The following SLC30A4 variants were observed in gnomAD, a reference collection of about 807,000 sequenced individuals.
SLC30A4 encodes solute carrier family 30 member 4, also known as probable proton-coupled zinc antiporter SLC30A4.
In SLC30A4, 20 loss-of-function variants were observed where a neutral mutation model predicts 41.7. The ratio of observed to expected loss-of-function variants is 0.48; its 90% CI spans 0.34 to 0.70. The LOEUF is 0.70. Among genes scored for constraint, SLC30A4 ranks in the 30% least tolerant of loss-of-function variants. The pLI is 0.01. For missense variants in SLC30A4, 441 were observed against 529.3 expected, an observed-to-expected ratio of 0.83 and a Z score of 1.64; for synonymous variants, 181 against 195.9, an observed-to-expected ratio of 0.92 and a Z score of 0.64.
Position 45,517,893 on chromosome 15 carries a change from A to G in SLC30A4, c.391+4071T>C, listed in dbSNP as rs184081820. The stretch of plus-strand genomic sequence containing the variant: ...AACCCGGGAGGCAGAGCTTGCAGTG[A>G]GCCGAGATCACACCACTGCACTCCA... On this transcript the variant is annotated intron_variant, in intron 2 of 7. Coordinates refer to ENST00000261867, the MANE Select transcript of SLC30A4 (RefSeq NM_013309.6). Among the ~76,000 whole-genome samples, 701 of 152,220 alleles carry G rather than the reference A, an allele frequency of 4.6e-3. 5 individuals carry two copies. Among genetic ancestry groups the G allele is most frequent in the Non-Finnish European group, 6.9e-3 (466 of 68,002 alleles).
chr15:45,518,792 T>C (rs1157452613), intron 2 of SLC30A4, among the ~76,000 whole-genome samples: 1 of 152,112 alleles, frequency 6.6e-6, no homozygotes, highest in Non-Finnish European at 1.5e-5. Context: ...CTTGAACTCC[T>C]GAGCTCAAGC....
chr15:45,496,947 A>G (rs1363783903), intron 3 of SLC30A4, among the ~76,000 whole-genome samples: 1 of 151,848 alleles, frequency 6.6e-6, no homozygotes, highest in African/African-American at 2.4e-5. Context: ...GGATAGCTTG[A>G]GCACAGGAGG....
rs58392709 is a variant in SLC30A4 at position 45,487,960 on chromosome 15, AGTGTGTGT to A, written c.895-336_895-329del. ...TGTGTGTGTGTCAAAGCTGGAAAAA[AGTGTGTGT>A]GTGTGTGTGTGTGTGTGTGTGTGTG... On this transcript the variant is annotated intron_variant, in intron 5 of 7. Coordinates refer to ENST00000261867, the MANE Select transcript of SLC30A4 (RefSeq NM_013309.6). Among the ~76,000 whole-genome samples, 1,123 of 139,724 alleles carry A rather than the reference AGTGTGTGT, an allele frequency of 8.0e-3. 23 individuals carry two copies. The highest frequency in any genetic ancestry group is 0.018 in the African/African-American group (703 of 38,240). 91.7% of individuals were successfully genotyped at this position (139,724 alleles called of 152,430 possible).
At chr15:45,510,254 A>C (rs1303934029) in intron 3 of SLC30A4, among the ~76,000 whole-genome samples, 1 of 152,236 alleles carries the variant, frequency 6.6e-6, no homozygotes, top group Non-Finnish European at 1.5e-5. Context: ...CTGTCTTAAA[A>C]GCAAAAAACA....
chr15:45,505,945 C>T lies in SLC30A4; in HGVS notation c.538+5193G>A, dbSNP rs147137333. Reference sequence around the variant, plus strand: ...CTGTAATCCCAGCACTTTGGGAGGCCGAGGCGGGTGGATCACTTGATCTCA... The same window carrying T: ...CTGTAATCCCAGCACTTTGGGAGGCTGAGGCGGGTGGATCACTTGATCTCA... On this transcript the variant is annotated intron_variant, in intron 3 of 7. Transcript: ENST00000261867. Among the ~76,000 whole-genome samples, 487 of 152,086 alleles carry T rather than the reference C, an allele frequency of 3.2e-3. 5 individuals are homozygous for T. The highest frequency in any genetic ancestry group is 0.011 in the African/African-American group (459 of 41,494).
At chr15:45,496,149 A>G (rs1480113543) in intron 3 of SLC30A4, among the ~76,000 whole-genome samples, 1 of 152,246 alleles carries the variant, frequency 6.6e-6, no homozygotes, top group Non-Finnish European at 1.5e-5. Context: ...TTCTAAGAGC[A>G]GAAATATAAT....
intron 3 of SLC30A4, among the ~76,000 whole-genome samples, chr15:45,508,589 C>T (rs528263871): frequency 2.6e-5 from 4 of 152,224 alleles, no homozygotes; most frequent in African/African-American, 4.8e-5. Context: ...TTACAACTTC[C>T]AAAAATTTCT....
At chr15:45,520,911 G>A (rs939258496) in intron 2 of SLC30A4, 5 of 395,740 alleles carry the variant, frequency 1.3e-5, no homozygotes, top group Non-Finnish European at 2.5e-5. Flanking sequence ...CACTGAGATA[G>A]AAGGACCAGC....
At chr15:45,505,218 C>T (rs1220683080) in intron 3 of SLC30A4, among the ~76,000 whole-genome samples, 1 of 105,022 alleles carries the variant, frequency 9.5e-6, no homozygotes, top group East Asian at 2.6e-4. Flanking sequence ...GCAACAAGAG[C>T]AAAACTCCAT....
intron 2 of SLC30A4, among the ~76,000 whole-genome samples, chr15:45,515,242 G>A (rs1228748086): frequency 1.3e-5 from 2 of 151,670 alleles, no homozygotes; most frequent in Non-Finnish European, 2.9e-5. Flanking sequence ...TGCCCAGGCT[G>A]ATCTTGAATT....
At chr15:45,492,161 T>A (rs943085188) in intron 3 of SLC30A4, among the ~76,000 whole-genome samples, 1 of 150,242 alleles carries the variant, frequency 6.7e-6, no homozygotes, top group Non-Finnish European at 1.5e-5. Flanking sequence ...AACACCTGCA[T>A]GTGTGCAAAG....
chr15:45,517,345 CTT>C (rs1166130286), intron 2 of SLC30A4, among the ~76,000 whole-genome samples: 8,573 of 64,722 alleles, frequency 0.13, 112 homozygotes, highest in African/African-American at 0.23. Flanking sequence ...CCAATCCATT[CTT>C]TTTTTTTTTT....
chr15:45,522,548 A>T (rs1892709631), intron 1 of SLC30A4, 59 bp downstream of exon 1: 1 of 535,632 alleles, frequency 1.9e-6, no homozygotes, highest in East Asian at 3.2e-5. Context: ...GGCGGGTCGC[A>T]GGGCCGACCC....
intron 4 of SLC30A4, among the ~76,000 whole-genome samples, chr15:45,490,388 C>A (rs116385298): frequency 0.011 from 1,724 of 152,166 alleles, 21 homozygotes; most frequent in African/African-American, 0.04. Flanking sequence ...TGTATGTGGC[C>A]TAACTTAAAC....
Position 45,511,250 on chromosome 15 carries a change from T to C in SLC30A4, c.426A>G (p.Thr142=), listed in dbSNP as rs1315276074. ...GGTCAGTTAACATATGAAGTGCATC[T>C]GTCATGATTGCTAGGCTATTTGCAA... is the stretch of plus-strand genomic sequence containing the variant. ...GYIANSLAIM[T]DALHMLTDLS... is the part of the protein sequence containing the mutation. The change falls in exon 3 of 8, where the codon ACA becomes ACG. Residue 142 remains threonine (T), a synonymous_variant. Coordinates refer to ENST00000261867, the MANE Select transcript of SLC30A4 (RefSeq NM_013309.6). 2 of 1,611,578 alleles carry C rather than the reference T, an allele frequency of 1.2e-6. No homozygotes were observed. Among genetic ancestry groups the C allele is most frequent in the African/African-American group, 2.7e-5 (2 of 74,882 alleles).
chr15:45,500,614 GTCTATCTATCTATCTA>G lies in SLC30A4; in HGVS notation c.539-9749_539-9734del, dbSNP rs10593774. On this transcript the variant is annotated intron_variant, in intron 3 of 7. Transcript: ENST00000261867. ...TACTATCCAGCTATGTTAAGGGTCT[GTCTATCTATCTATCTA>G]TCTATCTATCTATCTATCTATCTAT... Among the ~76,000 whole-genome samples the G allele has an allele frequency of 3.6e-3, 546 of 149,744 alleles. 3 individuals carry two copies. Among genetic ancestry groups the G allele is most frequent in the South Asian group, 0.011 (53 of 4,668 alleles).
intron 7 of SLC30A4, among the ~76,000 whole-genome samples, 153 bp from the exon 8 acceptor site, chr15:45,485,470 T>G (rs1229159893): frequency 2.0e-5 from 3 of 152,220 alleles, no homozygotes; most frequent in Non-Finnish European, 4.4e-5. Context: ...AGTAGGTCAA[T>G]TTACACATCC....
At chr15:45,499,244 T>G (rs939063991) in intron 3 of SLC30A4, among the ~76,000 whole-genome samples, 12 of 152,008 alleles carry the variant, frequency 7.9e-5, no homozygotes, top group Non-Finnish European at 8.8e-5. Context: ...GCTAATTTTT[T>G]TGTATTTTTA....
At chr15:45,502,977 GAAAAAGACCGTGTCTCGAA>G (rs1462315924) in intron 3 of SLC30A4, 7 of 146,766 alleles carry the variant, frequency 4.8e-5, no homozygotes, top group Non-Finnish European at 1.5e-5. Flanking sequence ...CTGGAAAACA[GAAAAAGACCGTGTCTCGAA>G]AAAAAAAAAA....
Sources: allele counts gnomAD v4.1 joint callset (sites outside exome capture counted in the v4.1 genomes callset), GRCh38; gene constraint gnomAD v4.1.1; transcripts MANE v1.5; gene names NCBI Gene and HGNC (gene_info 2026-07-23, HGNC 2026-07-21).